Variants in CACNA2D3 observed in about 807,000 individuals in gnomAD.
The protein encoded by CACNA2D3 is voltage-dependent calcium channel subunit alpha-2/delta-3.
CACNA2D3 carries 60 observed loss-of-function variants against 160.6 expected under a neutral mutation model. The ratio of observed to expected loss-of-function variants is 0.37; its 90% CI spans 0.30 to 0.46. The LOEUF is 0.46. CACNA2D3 is among the 20% of genes least tolerant of loss of function. CACNA2D3 has a pLI of 1.00. For missense variants in CACNA2D3, 1,205 were observed against 1,365.0 expected, an observed-to-expected ratio of 0.88 and a Z score of 1.85; for synonymous variants, 558 against 492.9, an observed-to-expected ratio of 1.13 and a Z score of -1.75.
At chr3:54,933,488 T>C (rs1701257665) in intron 27 of CACNA2D3, among the ~76,000 whole-genome samples, 1 of 152,180 alleles carries the variant, frequency 6.6e-6, no homozygotes. Context: ...GCTCACATTC[T>C]ATTAGCCAGA....
At chr3:54,796,663 C>T (rs1702872254) in intron 13 of CACNA2D3, among the ~76,000 whole-genome samples, 1 of 152,212 alleles carries the variant, frequency 6.6e-6, no homozygotes, top group South Asian at 2.1e-4. Context: ...GAAGGATTCT[C>T]TAATCAGGAG....
At chr3:54,482,335 C>T (rs992829988) in intron 4 of CACNA2D3, among the ~76,000 whole-genome samples, 1 of 152,162 alleles carries the variant, frequency 6.6e-6, no homozygotes, top group South Asian at 2.1e-4. Flanking sequence ...GCTTCCGTAA[C>T]ACTTAGTTAT....
intron 17 of CACNA2D3, among the ~76,000 whole-genome samples, chr3:54,860,038 C>T (rs780758572): frequency 3.2e-4 from 48 of 148,200 alleles, no homozygotes; most frequent in Admixed American, 1.1e-3. Flanking sequence ...CAAATTAGAT[C>T]GGCAGCCCAA....
At chr3:54,614,905 T>C (rs1162408304) in intron 9 of CACNA2D3, among the ~76,000 whole-genome samples, 4 of 152,138 alleles carry the variant, frequency 2.6e-5, no homozygotes, top group Admixed American at 6.6e-5. Context: ...ATATAATATA[T>C]GTTACAACCC....
At position 54,473,033 on chromosome 3, in the gene CACNA2D3, T is replaced by G. The variant is rs145107763; in HGVS notation, c.382-30459T>G. 4.8e-3 allele frequency among the ~76,000 whole-genome samples: 727 copies of G among 152,306 alleles called. 4 individuals carry two copies. The highest frequency in any genetic ancestry group is 0.016 in the African/African-American group (669 of 41,580). On this transcript the variant is annotated intron_variant, in intron 4 of 37. Coordinates refer to ENST00000474759, the MANE Select transcript of CACNA2D3 (RefSeq NM_018398.3). ...TTTTCCTAGAATTAGAAAAAACTAC[T>G]TTAAATTTTGTGTGGAACCAAAAAA...
chr3:54,627,639 A>G (rs953624197), intron 9 of CACNA2D3, 148 bp from the exon 10 acceptor site: 3 of 638,880 alleles, frequency 4.7e-6, no homozygotes, highest in Non-Finnish European at 8.5e-6. Context: ...GTAAGTTCTT[A>G]TGTTTTGAAT....
intron 31 of CACNA2D3, among the ~76,000 whole-genome samples, chr3:54,990,436 CAGG>C (rs1423126551): frequency 1.3e-5 from 2 of 152,122 alleles, no homozygotes; most frequent in African/African-American, 4.8e-5. Flanking sequence ...GAGGCTGAGG[CAGG>C]AGAATTGCTT....
intron 4 of CACNA2D3, among the ~76,000 whole-genome samples, chr3:54,499,558 C>A (rs949414119): frequency 2.0e-5 from 3 of 152,024 alleles, no homozygotes; most frequent in Non-Finnish European, 4.4e-5. Context: ...CTATAAATTT[C>A]CTTGTAAGCT....
intron 2 of CACNA2D3, among the ~76,000 whole-genome samples, chr3:54,302,608 A>G (rs772027406): frequency 3.9e-5 from 6 of 152,058 alleles, no homozygotes; most frequent in Non-Finnish European, 8.8e-5. Context: ...TCACCTCCTC[A>G]TTGCCTGTGA....
chr3:54,921,388 A>C (rs1044808393), intron 27 of CACNA2D3, among the ~76,000 whole-genome samples: 3 of 152,168 alleles, frequency 2.0e-5, no homozygotes, highest in African/African-American at 7.2e-5. Context: ...TTAGCATAAT[A>C]CCTAGCTCAG....
chr3:54,899,675 C>G lies in CACNA2D3; in HGVS notation c.2369-113C>G. 7 of 780,084 alleles carry G rather than the reference C, an allele frequency of 9.0e-6. No homozygotes were observed. The South Asian group carries it at 1.0e-4, about 11-fold the overall frequency. 48.3% of individuals were successfully genotyped at this position (780,084 alleles called of 1,614,324 possible). ...CCTCAGAGGACTCTGGGGCCTGGGA[C>G]CAAGCCCCAGAACAATTTGCAGAAT... On this transcript the variant is annotated intron_variant, in intron 26 of 37. Coordinates refer to ENST00000474759, the MANE Select transcript of CACNA2D3 (RefSeq NM_018398.3).
At chr3:54,871,218 CACA>C (rs1346696956) in intron 17 of CACNA2D3, among the ~76,000 whole-genome samples, 12 of 103,302 alleles carry the variant, frequency 1.2e-4, no homozygotes, top group South Asian at 3.5e-4. Flanking sequence ...CACACACACA[CACA>C]CACCCCCCAT....
rs150766606 is a variant in CACNA2D3, at chr3:54,998,713, T to TTTTTGTTTTG, written c.2691-6010_2691-6001dup. Among the ~76,000 whole-genome samples the TTTTTGTTTTG allele has an allele frequency of 4.8e-3, 706 of 147,258 alleles. 7 individuals carry two copies. Among genetic ancestry groups the TTTTTGTTTTG allele is most frequent in the Middle Eastern group, 0.01 (3 of 292 alleles). On this transcript the variant is annotated intron_variant, in intron 31 of 37. Coordinates refer to ENST00000474759, the MANE Select transcript of CACNA2D3 (RefSeq NM_018398.3). ...ATGGGTGCTCATTAGCTAAAGTTGG[T>TTTTTGTTTTG]TTTTGTTTTGTTTTGTTTTGTTTTG...
At chr3:54,642,516 G>C (rs1029970181) in intron 11 of CACNA2D3, among the ~76,000 whole-genome samples, 1 of 152,162 alleles carries the variant, frequency 6.6e-6, no homozygotes, top group African/African-American at 2.4e-5. Flanking sequence ...ATATTGGGTT[G>C]TGCTTTTCTT....
intron 14 of CACNA2D3, among the ~76,000 whole-genome samples, chr3:54,830,160 A>C (rs1348842189): frequency 6.6e-6 from 1 of 151,918 alleles, no homozygotes; most frequent in Non-Finnish European, 1.5e-5. Context: ...GGCCAGGCTG[A>C]TCTTGAACTC....
intron 11 of CACNA2D3, among the ~76,000 whole-genome samples, chr3:54,704,773 T>C (rs1700826776): frequency 6.6e-6 from 1 of 152,158 alleles, no homozygotes; most frequent in South Asian, 2.1e-4. Flanking sequence ...TCATGATCTT[T>C]TGAAAGATAT....
At chr3:54,509,080 T>C (rs1433976477) in intron 5 of CACNA2D3, among the ~76,000 whole-genome samples, 2 of 152,238 alleles carry the variant, frequency 1.3e-5, no homozygotes, top group African/African-American at 2.4e-5. Flanking sequence ...AAACACAAAA[T>C]GCATTTTGCC....
intron 3 of CACNA2D3, among the ~76,000 whole-genome samples, chr3:54,371,110 C>T (rs892131422): frequency 6.6e-6 from 1 of 152,122 alleles, no homozygotes; most frequent in African/African-American, 2.4e-5. Flanking sequence ...TTGATCCATT[C>T]ATCAGTTCTT....
intron 2 of CACNA2D3, among the ~76,000 whole-genome samples, chr3:54,231,995 G>C (rs1347378518): frequency 6.6e-6 from 1 of 152,220 alleles, no homozygotes; most frequent in Non-Finnish European, 1.5e-5. Flanking sequence ...CCCGACTCTG[G>C]AGTCCATTGT....
Sources: allele counts gnomAD v4.1 joint callset (sites outside exome capture counted in the v4.1 genomes callset), GRCh38; gene constraint gnomAD v4.1.1; transcripts MANE v1.5; gene names NCBI Gene and HGNC (gene_info 2026-07-23, HGNC 2026-07-21).